NELL1: variants seen among roughly 807,000 people sequenced by gnomAD.
The protein encoded by NELL1 is protein kinase C-binding protein NELL1.
NELL1 carries 76 observed loss-of-function variants against 107.4 expected under a neutral mutation model. The observed-to-expected ratio is 0.71, with a 90% CI of 0.59 to 0.86. The LOEUF is 0.86. NELL1 is among the 40% of genes least tolerant of loss of function. The pLI is 0.00. For missense variants in NELL1, 1,024 were observed against 1,005.5 expected (o/e 1.02, Z -0.25); for synonymous variants, 353 against 341.2 (o/e 1.03, Z -0.38).
At chr11:21,504,820 A>C (rs1252344653) in intron 15 of NELL1, among the ~76,000 whole-genome samples, 5 of 152,138 alleles carry the variant, frequency 3.3e-5, no homozygotes, top group Non-Finnish European at 5.9e-5. Flanking sequence ...GGCTGTCACT[A>C]GATCCTTGCT....
At chr11:21,572,343 G>T (rs2134015046) in intron 18 of NELL1, among the ~76,000 whole-genome samples, 1 of 151,792 alleles carries the variant, frequency 6.6e-6, no homozygotes, top group Non-Finnish European at 1.5e-5. Context: ...GAATACTGTG[G>T]GTCATACTTA....
chr11:21,376,254 T>C (rs1415601910), intron 15 of NELL1, among the ~76,000 whole-genome samples: 1 of 152,106 alleles, frequency 6.6e-6, no homozygotes, highest in African/African-American at 2.4e-5. Context: ...CCAGTTTTAT[T>C]CTTGTGCATA....
At chr11:21,277,741 C>T (rs1590797574) in intron 14 of NELL1, among the ~76,000 whole-genome samples, 1 of 152,262 alleles carries the variant, frequency 6.6e-6, no homozygotes, top group South Asian at 2.1e-4. Context: ...GAGTTCTTGT[C>T]CTTTTTAGGG....
chr11:20,675,373 A>G (rs1309997594), intron 1 of NELL1, among the ~76,000 whole-genome samples: 3 of 152,178 alleles, frequency 2.0e-5, no homozygotes, highest in African/African-American at 7.2e-5. Flanking sequence ...CTGGGCTTGC[A>G]TGTCATCCGT....
chr11:20,915,717 A>ATATATATATATATATATATATTTTTT lies in NELL1; in HGVS notation c.604-2464_604-2463insATATATATATATATATATATTTTTTT. 5.3e-4 allele frequency among the ~76,000 whole-genome samples: 31 copies of ATATATATATATATATATATATTTTTT among 58,192 alleles called. 1 individual carries two copies. Among genetic ancestry groups the ATATATATATATATATATATATTTTTT allele is most frequent in the African/African-American group, 1.4e-3 (16 of 11,300 alleles). 38.2% of individuals were successfully genotyped at this position (58,192 alleles called of 152,430 possible). On this transcript the variant is annotated intron_variant, in intron 5 of 19. Transcript: ENST00000357134. ...TCATAGATGATATATATATATATAT[A>ATATATATATATATATATATATTTTTT]TTTTTTTTTTTTTTTTTTGAGAGGA...
chr11:21,497,204 G>A (rs1405217759), intron 15 of NELL1, among the ~76,000 whole-genome samples: 1 of 151,524 alleles, frequency 6.6e-6, no homozygotes, highest in Non-Finnish European at 1.5e-5. Flanking sequence ...TATACCTAAT[G>A]TAAATGACGA....
At chr11:21,140,041 A>G (rs561392992) in intron 13 of NELL1, among the ~76,000 whole-genome samples, 1 of 152,328 alleles carries the variant, frequency 6.6e-6, no homozygotes, top group African/African-American at 2.4e-5. Flanking sequence ...AAACTCTATC[A>G]GAAGTGCTAG....
chr11:21,004,426 T>C (rs1359132508), intron 12 of NELL1, among the ~76,000 whole-genome samples: 1 of 152,096 alleles, frequency 6.6e-6, no homozygotes, highest in Non-Finnish European at 1.5e-5. Context: ...ATCATCCCCA[T>C]GAGGGAGTTG....
intron 2 of NELL1, among the ~76,000 whole-genome samples, chr11:20,720,362 C>A (rs1177095410): frequency 6.6e-6 from 1 of 151,988 alleles, no homozygotes; most frequent in Non-Finnish European, 1.5e-5. Context: ...CGTGCGCCAC[C>A]ATACACGTTT....
chr11:21,423,373 A>G lies in NELL1; in HGVS notation c.1645+52425A>G, dbSNP rs143068617. Among the ~76,000 whole-genome samples, 732 of 152,292 alleles carry G rather than the reference A, an allele frequency of 4.8e-3. 4 individuals carry two copies. The highest frequency in any genetic ancestry group is 0.017 in the African/African-American group (701 of 41,562). ...GACAGAGAGAGACTTCATAAAAAAA[A>G]TTATAAAAGGTAAAGAAAGATATTA... On this transcript the variant is annotated intron_variant, in intron 15 of 19. Transcript: ENST00000357134.
intron 3 of NELL1, among the ~76,000 whole-genome samples, chr11:20,804,314 C>A (rs1857338083): frequency 1.3e-5 from 2 of 152,182 alleles, no homozygotes; most frequent in Non-Finnish European, 2.9e-5. Flanking sequence ...CAGCTCACTG[C>A]AACCTCTGCC....
intron 12 of NELL1, among the ~76,000 whole-genome samples, chr11:21,028,345 T>C (rs1027933375): frequency 6.6e-6 from 1 of 152,146 alleles, no homozygotes; most frequent in African/African-American, 2.4e-5. Context: ...AGAGAATAAT[T>C]ACCTCTTGCA....
chr11:21,524,114 G>T (rs1464145408), intron 15 of NELL1, among the ~76,000 whole-genome samples: 2 of 152,024 alleles, frequency 1.3e-5, no homozygotes, highest in Admixed American at 1.3e-4. Context: ...TGTACAAGAG[G>T]CTGTATAGTA....
intron 2 of NELL1, among the ~76,000 whole-genome samples, chr11:20,723,738 G>C (rs541430044): frequency 6.6e-6 from 1 of 152,194 alleles, no homozygotes; most frequent in East Asian, 1.9e-4. Flanking sequence ...TCTGTGGGGG[G>C]GGGCTCCAAC....
In NELL1 at chr11:21,269,349, C is replaced by CT. The variant is rs1848694609; in HGVS notation, c.1549+39895_1549+39896insT. 2.1e-5 allele frequency among the ~76,000 whole-genome samples: 3 copies of CT among 145,140 alleles called. No homozygotes were observed. In the South Asian group the frequency reaches 6.8e-4, roughly 33 times the overall value. On this transcript the variant is annotated intron_variant, in intron 14 of 19. Coordinates refer to ENST00000357134, the MANE Select transcript of NELL1 (RefSeq NM_006157.5). ...CAGGATAAATGCCAAATTGCCAAAT[C>CT]CCTCTCTCTCTCTCTCTCTCTCTCT...
chr11:20,748,872 TCATC>T (rs59483612), intron 2 of NELL1, among the ~76,000 whole-genome samples: 83,490 of 145,704 alleles, frequency 0.57, 24,778 homozygotes, highest in Middle Eastern at 0.73. Context: ...GCATATTCTA[TCATC>T]CATCCATCCA....
At chr11:20,800,211 T>A (rs1756434572) in intron 3 of NELL1, among the ~76,000 whole-genome samples, 1 of 152,256 alleles carries the variant, frequency 6.6e-6, no homozygotes, top group South Asian at 2.1e-4. Flanking sequence ...TCTTTTCCTT[T>A]GAATGCTAGT....
chr11:21,558,657 T>C (rs1352385515), intron 16 of NELL1, among the ~76,000 whole-genome samples: 2 of 151,972 alleles, frequency 1.3e-5, no homozygotes, highest in African/African-American at 4.8e-5. Flanking sequence ...AGACCATACA[T>C]TGAGTGGGTA....
At chr11:21,250,281 G>GT (rs2133909437) in intron 14 of NELL1, among the ~76,000 whole-genome samples, 1 of 152,230 alleles carries the variant, frequency 6.6e-6, no homozygotes, top group South Asian at 2.1e-4. Flanking sequence ...GATTTGCAGT[G>GT]ATCTCTAAGT....
Sources: allele counts gnomAD v4.1 joint callset (sites outside exome capture counted in the v4.1 genomes callset), GRCh38; gene constraint gnomAD v4.1.1; transcripts MANE v1.5; gene names NCBI Gene and HGNC (gene_info 2026-07-23, HGNC 2026-07-21).